Variants in MBD4 observed in about 807,000 individuals in gnomAD.
MBD4 encodes the protein methyl-CpG-binding domain protein 4.
Under a neutral mutation model 60.2 loss-of-function variants are expected in MBD4, and 53 were observed. The observed-to-expected ratio is 0.88, with a 90% CI of 0.71 to 1.11. MBD4 has a LOEUF of 1.11. MBD4 is among the 50% of genes least tolerant of loss of function. The pLI, the probability that MBD4 is intolerant of heterozygous loss-of-function variation, is 0.00. For synonymous variants in MBD4, 231 were observed against 229.8 expected (o/e 1.01, Z -0.05); for missense variants, 619 against 674.0 (o/e 0.92, Z 0.90).
At position 129,433,302 on chromosome 3, in the gene MBD4, G is replaced by A. The variant is rs545452391; in HGVS notation, c.1394-55C>T. On this transcript the variant is annotated intron_variant, in intron 5 of 7. Coordinates refer to ENST00000429544, the MANE Select transcript of MBD4 (RefSeq NM_001276270.2). The stretch of plus-strand genomic sequence containing the variant: ...AAGACTCCAGGTGGGCTGATTTCAT[G>A]TTCAAGTAGTTTCTCATAGAAATCT... The A allele has an allele frequency of 1.2e-5, 19 of 1,571,644 alleles. No homozygotes were observed. The African/African-American group carries it at 1.2e-4, about 10-fold the overall frequency.
rs1160265687 is a variant in MBD4, at chr3:129,436,978, A to G, written c.666T>C (p.Asp222=). The change falls in exon 3 of 8, where the codon GAT becomes GAC. Residue 222 remains aspartate (D), a synonymous_variant. Transcript: ENST00000429544. Reference sequence around the variant, plus strand: ...GCTTTCTAACCTTTCTGAAGTTAACATCATCAACACCCTCATCTTCTTTCA... The same window carrying G: ...GCTTTCTAACCTTTCTGAAGTTAACGTCATCAACACCCTCATCTTCTTTCA... ...LLLKEDEGVD[D]VNFRKVRKPK... 1 of 1,614,216 alleles carries G rather than the reference A, an allele frequency of 6.2e-7. No homozygotes were observed. Among genetic ancestry groups the G allele is most frequent in the Admixed American group, 1.7e-5 (1 of 60,018 alleles).
At chr3:129,439,419 A>T (rs1197700595) in intron 1 of MBD4, among the ~76,000 whole-genome samples, 2 of 152,082 alleles carry the variant, frequency 1.3e-5, no homozygotes, top group Non-Finnish European at 2.9e-5. Flanking sequence ...AAGTAGGTAA[A>T]TCTTAACCTC....
In MBD4 at chr3:129,436,794, G is replaced by A; in HGVS notation, c.850C>T (p.Leu284Phe). 5.0e-6 allele frequency: 8 copies of A among 1,614,042 alleles called. No homozygotes were observed. The highest frequency in any genetic ancestry group is 6.8e-6 in the Non-Finnish European group (8 of 1,180,002). ...TCAGAAATGCAGACAGTTCTATCAAGCTGACTTTTTTGTGCAACAGGTTCA... is the reference window on the plus strand; with the variant it reads ...TCAGAAATGCAGACAGTTCTATCAAACTGACTTTTTTGTGCAACAGGTTCA... ...ESEPVAQKSQLDRTVCISDAG... is the reference protein window; with the variant it reads ...ESEPVAQKSQFDRTVCISDAG... Residue 284 changes from leucine to phenylalanine, a missense_variant, in exon 3 of 8, where the codon CTT becomes TTT. Coordinates refer to ENST00000429544, the MANE Select transcript of MBD4 (RefSeq NM_001276270.2).
chr3:129,431,762 A>C (rs1389214162), intron 7 of MBD4, among the ~76,000 whole-genome samples, 184 bp from the exon 8 acceptor site: 1 of 152,204 alleles, frequency 6.6e-6, no homozygotes, highest in Non-Finnish European at 1.5e-5. Flanking sequence ...TATTAAGGTA[A>C]TCTCACACAA....
intron 7 of MBD4, among the ~76,000 whole-genome samples, chr3:129,431,896 T>C (rs563388010): frequency 6.6e-6 from 1 of 152,290 alleles, no homozygotes; most frequent in East Asian, 1.9e-4. Context: ...GTTAAATGGA[T>C]TCTCAGGTCA....
intron 7 of MBD4, chr3:129,432,201 G>A (rs1559797303): frequency 7.1e-7 from 1 of 1,401,828 alleles, no homozygotes; most frequent in South Asian, 1.5e-5. Flanking sequence ...TTTGACAGGA[G>A]GAAAACCACG....
Position 129,437,034 on chromosome 3 carries a change from G to A in MBD4, c.610C>T (p.Leu204Phe). The A allele has an allele frequency of 6.2e-7, 1 of 1,614,186 alleles. No homozygotes were observed. Among genetic ancestry groups the A allele is most frequent in the Non-Finnish European group, 8.5e-7 (1 of 1,180,036 alleles). The change falls in exon 3 of 8, where the codon CTC becomes TTC. Residue 204 changes from leucine to phenylalanine, a missense_variant. Leu to Phe is a conservative substitution (Grantham distance 22, BLOSUM62 0). Transcript: ENST00000429544. ...AAATGAGTGGAAGTAAAGTTAGAGA[G>A]TCCTCTGCTCTCCTGCAACTCTGAA... ...SSSELQESRG[L>F]SNFTSTHLLL... is the part of the protein sequence containing the mutation.
At chr3:129,438,146 A>C (rs1421348843) in intron 1 of MBD4, among the ~76,000 whole-genome samples, 196 bp from the exon 2 acceptor site, 1 of 152,216 alleles carries the variant, frequency 6.6e-6, no homozygotes, top group Non-Finnish European at 1.5e-5. Flanking sequence ...CCTCTAGCAC[A>C]GGTTAAAAGG....
At chr3:129,438,774 A>C (rs1559804160) in intron 1 of MBD4, among the ~76,000 whole-genome samples, 1 of 151,810 alleles carries the variant, frequency 6.6e-6, no homozygotes, top group East Asian at 1.9e-4. Context: ...CAAAAAAACA[A>C]AAAAAAACAA....
In MBD4 at chr3:129,432,605, A is replaced by G. The variant is rs2072371010; in HGVS notation, c.1545T>C (p.Asp515=). Residue 515 remains aspartate (D), a splice_region_variant and synonymous_variant, in exon 7 of 8, where the codon GAT becomes GAC. Transcript: ENST00000429544. Reference sequence around the variant, plus strand: ...ACTTCCACTGCTTTGTCAGGTATTCATCTGAAGAATACAACATCCCACATT... The same window carrying G: ...ACTTCCACTGCTTTGTCAGGTATTCGTCTGAAGAATACAACATCCCACATT... ...LRAKTIVKFS[D]EYLTKQWKYP... 1.2e-6 allele frequency: 2 copies of G among 1,613,864 alleles called. No individual in the cohort carries two copies. The highest frequency in any genetic ancestry group is 2.7e-5 in the African/African-American group (2 of 74,940).
chr3:129,433,337 G>GT, intron 5 of MBD4, 90 bp from the exon 6 acceptor site: 1 of 1,439,064 alleles, frequency 6.9e-7, no homozygotes, highest in Non-Finnish European at 9.6e-7. Flanking sequence ...TCATCCAGAG[G>GT]GTTTTTTTTT....
chr3:129,436,834 T>A lies in MBD4; in HGVS notation c.810A>T (p.Lys270Asn). 6.2e-7 allele frequency: 1 copy of A among 1,614,196 alleles called. No individual in the cohort carries two copies. ...SDSKRESVCNKADAESEPVAQ... is the reference protein window; with the variant it reads ...SDSKRESVCNNADAESEPVAQ... ...CAACAGGTTCACTTTCAGCATCTGC[T>A]TTATTACACACAGATTCTCTTTTGC... Residue 270 changes from lysine to asparagine, a missense_variant, in exon 3 of 8, where the codon AAA becomes AAT. Transcript: ENST00000429544.
chr3:129,433,740 C>T lies in MBD4; in HGVS notation c.1393+110G>A. ...GAGTTTAAGGGTGAAGGGGGAATGC[C>T]CTATCCCAGGTGACACACTCAAAAT... On this transcript the variant is annotated intron_variant, in intron 5 of 7. Transcript: ENST00000429544. 2.3e-6 allele frequency: 3 copies of T among 1,309,984 alleles called. No homozygotes were observed. The South Asian group carries it at 3.6e-5, about 16-fold the overall frequency. The allele number at this position is 1,309,984 out of a possible 1,614,324, so 81.1% of individuals were successfully genotyped here.
At chr3:129,436,363 T>G in intron 3 of MBD4, 98 bp downstream of exon 3, 1 of 1,463,988 alleles carries the variant, frequency 6.8e-7, no homozygotes, top group Non-Finnish European at 9.4e-7. Context: ...ATCTTAACCA[T>G]GTATGGGCAC....
In MBD4 at chr3:129,437,283, T is replaced by G; in HGVS notation, c.361A>C (p.Lys121Gln). 6.2e-7 allele frequency: 1 copy of G among 1,608,488 alleles called. No individual in the cohort carries two copies. Among genetic ancestry groups the G allele is most frequent in the Non-Finnish European group, 8.5e-7 (1 of 1,179,808 alleles). Residue 121 changes from lysine to glutamine, a missense_variant, in exon 3 of 8, where the codon AAA becomes CAA. Lys to Gln is a moderately conservative substitution (Grantham distance 53). Coordinates refer to ENST00000429544, the MANE Select transcript of MBD4 (RefSeq NM_001276270.2). ...TGAAGATAATTAGCAAGTGAACTTT[T>G]GGATCTGAACTTCAGTCCTTGTGGG... ...ISPQGLKFRS[K>Q]SSLANYLHKN...
At chr3:129,437,587 C>A (rs999257823) in intron 2 of MBD4, 133 bp downstream of exon 2, 4 of 708,610 alleles carry the variant, frequency 5.6e-6, no homozygotes, top group African/African-American at 1.8e-5. Flanking sequence ...TAATTAATAG[C>A]AACATTGAAA....
intron 6 of MBD4, 59 bp from the exon 7 acceptor site, chr3:129,432,665 G>C: frequency 6.7e-7 from 1 of 1,485,852 alleles, no homozygotes; most frequent in South Asian, 1.1e-5. Flanking sequence ...CTCCCAAAAT[G>C]TGTGGTGATG....
chr3:129,431,256 A>T lies in MBD4; in HGVS notation c.*245T>A, dbSNP rs977569595. On this transcript the variant is annotated 3_prime_UTR_variant, in exon 8 of 8. Transcript: ENST00000429544. ...TCTTCTGATTATATTTCATCATTGGAAAAGCCGTATTTTTTTTGGATTGTT... is the reference window on the plus strand; with the variant it reads ...TCTTCTGATTATATTTCATCATTGGTAAAGCCGTATTTTTTTTGGATTGTT... The T allele has an allele frequency of 2.3e-5, 11 of 473,378 alleles. No homozygotes were observed. Among genetic ancestry groups the T allele is most frequent in the Non-Finnish European group, 4.2e-5 (11 of 264,802 alleles). 29.3% of individuals were successfully genotyped at this position (473,378 alleles called of 1,614,324 possible).
chr3:129,432,653 C>A lies in MBD4; in HGVS notation c.1544-47G>T, dbSNP rs776105987. On this transcript the variant is annotated intron_variant, in intron 6 of 7. Transcript: ENST00000429544. ...ATTATCAGGTCAGCTTCTAAAGACA[C>A]CCTCCCAAAATGTGTGGTGATGGGG... The A allele has an allele frequency of 3.8e-6, 6 of 1,576,472 alleles. No homozygotes were observed. The East Asian group carries it at 1.3e-4, about 35-fold the overall frequency.
Sources: allele counts gnomAD v4.1 joint callset (sites outside exome capture counted in the v4.1 genomes callset), GRCh38; gene constraint gnomAD v4.1.1; transcripts MANE v1.5; gene names NCBI Gene and HGNC (gene_info 2026-07-23, HGNC 2026-07-21).